The following UBE2R2 variants were observed in gnomAD, a reference collection of about 807,000 sequenced individuals.
UBE2R2 encodes the protein ubiquitin-conjugating enzyme E2 R2.
Under a neutral mutation model 27.8 loss-of-function variants are expected in UBE2R2, and 1 was observed. That is an observed-to-expected ratio of 0.04 (90% CI 0.01 to 0.17). UBE2R2 has a LOEUF of 0.17. Among genes scored for constraint, UBE2R2 ranks in the 10% least tolerant of loss-of-function variants. The probability of loss-of-function intolerance (pLI) is 1.00; values close to 1 mark genes in which losing one functional copy is unlikely to be tolerated. For missense variants in UBE2R2, 100 were observed against 291.0 expected, an observed-to-expected ratio of 0.34 and a Z score of 4.78; for synonymous variants, 106 against 113.3, an observed-to-expected ratio of 0.94 and a Z score of 0.41.
At chr9:33,836,964 A>C (rs150674325) in intron 1 of UBE2R2, among the ~76,000 whole-genome samples, 21 of 152,208 alleles carry the variant, frequency 1.4e-4, no homozygotes, top group African/African-American at 5.1e-4. Flanking sequence ...AGAATGTTCT[A>C]AATCCTGTGC....
rs60526576 is a variant in UBE2R2, at chr9:33,911,402, CAAAAAAAAAAAAAAAAAA to C, written c.363-546_363-529del. ...GGGGAACAAGAGTGAAACTCCATCT[CAAAAAAAAAAAAAAAAAA>C]AAAAAAAAAAAAAAACCTGGTTATA... On this transcript the variant is annotated intron_variant, in intron 3 of 4. Coordinates refer to ENST00000263228, the MANE Select transcript of UBE2R2 (RefSeq NM_017811.4). Among the ~76,000 whole-genome samples the C allele has an allele frequency of 9.4e-5, 5 of 53,210 alleles. No individual in the cohort carries two copies. In the Admixed American group the frequency reaches 1.4e-3, roughly 15 times the overall value. The allele number at this position is 53,210 out of a possible 152,430, so 34.9% of individuals were successfully genotyped here.
chr9:33,896,697 C>G (rs1822113394), intron 2 of UBE2R2, among the ~76,000 whole-genome samples: 1 of 151,870 alleles, frequency 6.6e-6, no homozygotes, highest in Non-Finnish European at 1.5e-5. Flanking sequence ...ATCTGCCCGC[C>G]TTGGCCTTCC....
chr9:33,863,622 TATC>T (rs1461295880), intron 1 of UBE2R2, among the ~76,000 whole-genome samples: 1 of 152,238 alleles, frequency 6.6e-6, no homozygotes, highest in Admixed American at 6.5e-5. Context: ...TTGGAATTAT[TATC>T]ATTTTAAACT....
intron 2 of UBE2R2, among the ~76,000 whole-genome samples, chr9:33,894,716 G>A (rs145553126): frequency 1.5e-3 from 221 of 152,258 alleles, no homozygotes; most frequent in Non-Finnish European, 2.7e-3. Flanking sequence ...GAGTAACAGC[G>A]CAACTCCATC....
At chr9:33,913,537 T>C (rs777018833) in intron 4 of UBE2R2, among the ~76,000 whole-genome samples, 24 of 152,156 alleles carry the variant, frequency 1.6e-4, no homozygotes, top group Non-Finnish European at 3.2e-4. Flanking sequence ...TCTGGGATTA[T>C]AGGTGTGAGC....
intron 1 of UBE2R2, among the ~76,000 whole-genome samples, chr9:33,850,524 C>A (rs2130752705): frequency 6.6e-6 from 1 of 152,124 alleles, no homozygotes; most frequent in African/African-American, 2.4e-5. Flanking sequence ...CTCTGCAATA[C>A]CAAGTTTCAT....
chr9:33,847,878 A>G (rs1021695144), intron 1 of UBE2R2, among the ~76,000 whole-genome samples: 5 of 151,036 alleles, frequency 3.3e-5, no homozygotes, highest in African/African-American at 1.2e-4. Flanking sequence ...CAGCCTCCCA[A>G]GTAGCTGGGA....
intron 1 of UBE2R2, among the ~76,000 whole-genome samples, chr9:33,824,660 G>A (rs1171080141): frequency 4.0e-5 from 6 of 149,264 alleles, no homozygotes; most frequent in Non-Finnish European, 6.0e-5. Flanking sequence ...AAAAATTAGC[G>A]GGTGTGATGG....
chr9:33,900,377 CTTATA>C (rs1261061813), intron 3 of UBE2R2, 106 bp downstream of exon 3: 6 of 767,472 alleles, frequency 7.8e-6, no homozygotes, highest in Non-Finnish European at 1.2e-5. Flanking sequence ...AATCATCTTT[CTTATA>C]TTCAGTTTCT....
intron 1 of UBE2R2, among the ~76,000 whole-genome samples, chr9:33,874,068 C>T (rs554433189): frequency 4.5e-4 from 68 of 151,970 alleles, no homozygotes; most frequent in African/African-American, 1.1e-3. Context: ...CTGTCTCAGC[C>T]GCCCAAGTAG....
intron 3 of UBE2R2, among the ~76,000 whole-genome samples, chr9:33,907,136 T>A (rs1272750366): frequency 6.6e-6 from 1 of 152,244 alleles, no homozygotes. Context: ...TTCATTTTCT[T>A]TGAGGGTTTT....
At chr9:33,815,367 A>G (rs181172431), upstream of UBE2R2, among the ~76,000 whole-genome samples, 53 of 152,360 alleles carry the variant, frequency 3.5e-4, no homozygotes, top group Non-Finnish European at 4.7e-4. Context: ...CATGTACTCT[A>G]CTAATGTAAT....
chr9:33,833,445 C>T (rs1414332196), intron 1 of UBE2R2, among the ~76,000 whole-genome samples: 15 of 152,152 alleles, frequency 9.9e-5, no homozygotes, highest in Admixed American at 4.6e-4. Flanking sequence ...CCACCTGCCT[C>T]GGCCTCCCAA....
chr9:33,872,253 CGTG>C (rs1371823323), intron 1 of UBE2R2, among the ~76,000 whole-genome samples: 3 of 150,902 alleles, frequency 2.0e-5, no homozygotes, highest in Non-Finnish European at 2.9e-5. Flanking sequence ...GTTATCCAGG[CGTG>C]GTGGTGTATA....
intron 1 of UBE2R2, among the ~76,000 whole-genome samples, chr9:33,832,201 C>T (rs1294829927): frequency 6.6e-6 from 1 of 151,136 alleles, no homozygotes; most frequent in Non-Finnish European, 1.5e-5. Context: ...CCAGCTACTT[C>T]AGAGGCTGAG....
intron 1 of UBE2R2, among the ~76,000 whole-genome samples, chr9:33,862,980 A>AGATT (rs1821275742): frequency 6.6e-6 from 1 of 152,144 alleles, no homozygotes; most frequent in African/African-American, 2.4e-5. Context: ...TGAGGTCAGG[A>AGATT]GATTGAGACC....
intron 1 of UBE2R2, among the ~76,000 whole-genome samples, chr9:33,867,939 T>C (rs1821399489): frequency 6.6e-6 from 1 of 152,174 alleles, no homozygotes; most frequent in African/African-American, 2.4e-5. Context: ...GCCACCTCAG[T>C]GGAGGGTCAG....
intron 1 of UBE2R2, among the ~76,000 whole-genome samples, chr9:33,832,265 G>A (rs1456482293): frequency 5.3e-5 from 8 of 150,660 alleles, no homozygotes; most frequent in Non-Finnish European, 7.4e-5. Flanking sequence ...CTGAGATTGC[G>A]CCATTGCACT....
At chr9:33,859,140 A>G (rs975219793) in intron 1 of UBE2R2, among the ~76,000 whole-genome samples, 1 of 152,070 alleles carries the variant, frequency 6.6e-6, no homozygotes, top group Non-Finnish European at 1.5e-5. Flanking sequence ...GTTCATTTTA[A>G]TATTAAAAAA....
Sources: allele counts gnomAD v4.1 joint callset (sites outside exome capture counted in the v4.1 genomes callset), GRCh38; gene constraint gnomAD v4.1.1; transcripts MANE v1.5; gene names NCBI Gene and HGNC (gene_info 2026-07-23, HGNC 2026-07-21).